SRBD1: variants seen among roughly 807,000 people sequenced by gnomAD.
SRBD1 encodes the protein S1 RNA binding domain 1, also known as S1 RNA-binding domain-containing protein 1.
SRBD1 carries 88 observed loss-of-function variants against 115.3 expected under a neutral mutation model. The observed-to-expected ratio is 0.76, with a 90% CI of 0.64 to 0.91. SRBD1 has a LOEUF of 0.91. SRBD1 is among the 40% of genes least tolerant of loss of function. The pLI is 0.00. For synonymous variants in SRBD1, 509 were observed against 407.7 expected, an observed-to-expected ratio of 1.25 and a Z score of -2.99; for missense variants, 1,385 against 1,177.4, an observed-to-expected ratio of 1.18 and a Z score of -2.58.
At position 45,431,636 on chromosome 2, in the gene SRBD1, A is replaced by G. The variant is rs143262452; in HGVS notation, c.2050-11742T>C. Among the ~76,000 whole-genome samples, 1,198 of 152,202 alleles carry G rather than the reference A, an allele frequency of 7.9e-3. 14 individuals are homozygous for G. The highest frequency in any genetic ancestry group is 0.027 in the African/African-American group (1,131 of 41,528). ...ACACTGGGGCCTGTCAGGGGGTGGAAGGCTAGGGGAGGGATAGCATTAGGA... is the reference window on the plus strand; with the variant it reads ...ACACTGGGGCCTGTCAGGGGGTGGAGGGCTAGGGGAGGGATAGCATTAGGA... On this transcript the variant is annotated intron_variant, in intron 16 of 20. Coordinates refer to ENST00000263736, the MANE Select transcript of SRBD1 (RefSeq NM_018079.5).
rs1670936909 is a variant in SRBD1, at chr2:45,510,603, C to G, written c.1875-22272G>C. ...TGCTGTTTCAAAGGCATTCCCCACA[C>G]TAAGTATCACAAACAGCAAGAGAAG... On this transcript the variant is annotated intron_variant, in intron 14 of 20. Transcript: ENST00000263736. Among the ~76,000 whole-genome samples, 2 of 152,188 alleles carry G rather than the reference C, an allele frequency of 1.3e-5. 1 individual carries two copies. Among genetic ancestry groups the G allele is most frequent in the South Asian group, 4.1e-4 (2 of 4,828 alleles).
intron 12 of SRBD1, among the ~76,000 whole-genome samples, chr2:45,550,220 C>G (rs991804690): frequency 6.6e-6 from 1 of 151,728 alleles, no homozygotes; most frequent in Non-Finnish European, 1.5e-5. Flanking sequence ...AGAAAATAAA[C>G]AAAAAGGAGA....
Position 45,393,041 on chromosome 2 carries a change from T to C in SRBD1, c.2602A>G (p.Met868Val), listed in dbSNP as rs369578295. The C allele has an allele frequency of 1.6e-5, 26 of 1,614,010 alleles. No individual in the cohort carries two copies. The Admixed American group carries it at 2.3e-4, about 14-fold the overall frequency. Residue 868 changes from methionine to valine, a missense_variant, in exon 20 of 21, where the codon ATG (methionine) becomes GTG (valine). By Grantham distance (21) the Met-to-Val change is conservative (BLOSUM62 1). Transcript: ENST00000263736. Reference sequence around the variant, plus strand: ...TGCAATCTTTCTGCAATTTTCTCCATTCCTTCCTTTTCAAGGAATGAATTT... The same window carrying C: ...TGCAATCTTTCTGCAATTTTCTCCACTCCTTCCTTTTCAAGGAATGAATTT... ...KINSFLEKEG[M>V]EKIAERLQTT... is the part of the protein sequence containing the mutation.
rs1185097914 is a variant in SRBD1 at position 45,414,718 on chromosome 2, A to G, written c.2334-1425T>C. 8.2e-4 allele frequency among the ~76,000 whole-genome samples: 87 copies of G among 105,914 alleles called. 1 individual carries two copies. Among genetic ancestry groups the G allele is most frequent in the African/African-American group, 2.4e-3 (70 of 29,260 alleles). 69.5% of individuals were successfully genotyped at this position (105,914 alleles called of 152,430 possible). ...CACATAGTGTGTATATAGTATGTAT[A>G]TACACACACACAGTGTGTATATAGT... On this transcript the variant is annotated intron_variant, in intron 18 of 20. Transcript: ENST00000263736.
intron 4 of SRBD1, among the ~76,000 whole-genome samples, chr2:45,586,680 G>A (rs1673533391): frequency 6.6e-6 from 1 of 151,100 alleles, no homozygotes; most frequent in South Asian, 2.1e-4. Flanking sequence ...AAATAGCTGG[G>A]ACTACAAGCC....
chr2:45,571,258 T>G (rs1165385777), intron 9 of SRBD1, among the ~76,000 whole-genome samples: 1 of 152,062 alleles, frequency 6.6e-6, no homozygotes, highest in East Asian at 1.9e-4. Flanking sequence ...TTTAGGGGAT[T>G]TTTTTCTTTT....
At chr2:45,420,310 T>C (rs756043228) in intron 16 of SRBD1, among the ~76,000 whole-genome samples, 1 of 152,138 alleles carries the variant, frequency 6.6e-6, no homozygotes, top group Non-Finnish European at 1.5e-5. Context: ...CAATGAGACA[T>C]AGTCTCTAAC....
At chr2:45,598,858 G>A (rs1041819698) in intron 4 of SRBD1, among the ~76,000 whole-genome samples, 1 of 152,162 alleles carries the variant, frequency 6.6e-6, no homozygotes, top group Non-Finnish European at 1.5e-5. Context: ...AATGGTCCCA[G>A]AATGTGCTGG....
chr2:45,400,401 G>A (rs1156945097), intron 19 of SRBD1, among the ~76,000 whole-genome samples: 1 of 152,052 alleles, frequency 6.6e-6, no homozygotes. Context: ...GCTGAAGCAA[G>A]CACAACTTTA....
intron 6 of SRBD1, among the ~76,000 whole-genome samples, chr2:45,581,359 C>G (rs1488809538): frequency 1.3e-5 from 2 of 152,188 alleles, no homozygotes; most frequent in Admixed American, 6.5e-5. Flanking sequence ...CATGGTTTCA[C>G]GTACCAACTA....
chr2:45,557,204 T>C (rs1172400060), intron 10 of SRBD1, among the ~76,000 whole-genome samples: 2 of 152,126 alleles, frequency 1.3e-5, no homozygotes, highest in Non-Finnish European at 2.9e-5. Flanking sequence ...GGCTGGATCA[T>C]AAAGGGTCTT....
intron 16 of SRBD1, among the ~76,000 whole-genome samples, chr2:45,426,200 G>T (rs1284348993): frequency 6.6e-6 from 1 of 152,158 alleles, no homozygotes; most frequent in African/African-American, 2.4e-5. Flanking sequence ...TTGAGTAGGC[G>T]GTTTTCCCTT....
rs1260097027 is a variant in SRBD1, at chr2:45,428,468, G to A, written c.2050-8574C>T. On this transcript the variant is annotated intron_variant, in intron 16 of 20. Transcript: ENST00000263736. ...CGGGAGGCTGAGGTAGGAGAATGGC[G>A]TGAACCCGGGAGGCGGAGCTTGCAG... 5.9e-5 allele frequency among the ~76,000 whole-genome samples: 9 copies of A among 152,120 alleles called. No individual in the cohort carries two copies. The East Asian group carries it at 9.7e-4, about 16-fold the overall frequency.
intron 14 of SRBD1, among the ~76,000 whole-genome samples, chr2:45,523,960 C>T (rs762307009): frequency 8.6e-5 from 13 of 151,940 alleles, no homozygotes; most frequent in Non-Finnish European, 1.8e-4. Flanking sequence ...ACACCATCAC[C>T]AAGTGGGATT....
Position 45,392,959 on chromosome 2 carries a change from A to C in SRBD1, c.2684T>G (p.Phe895Cys), listed in dbSNP as rs187890180. The C allele has an allele frequency of 7.5e-6, 12 of 1,604,662 alleles. No individual in the cohort carries two copies. In the Admixed American group the frequency reaches 8.5e-5, roughly 11 times the overall value. ...IIDGLSQPES[F>C]DFRTDFDKPD... The stretch of plus-strand genomic sequence containing the variant: ...CAACTGTTTACCTGTTCGAAAGTCA[A>C]AGCTTTCAGGCTGGCTGAGACCATC... Residue 895 changes from phenylalanine (F) to cysteine (C), a missense_variant, in exon 20 of 21, where the codon TTT (phenylalanine) becomes TGT (cysteine). By Grantham distance (205) the Phe-to-Cys change is radical. Transcript: ENST00000263736.
chr2:45,413,344 G>C, intron 18 of SRBD1, 51 bp from the exon 19 acceptor site: 1 of 1,561,606 alleles, frequency 6.4e-7, no homozygotes. Context: ...AGGTTGGGCA[G>C]AAAAGTCTTC....
At chr2:45,565,880 C>T (rs139144743) in intron 9 of SRBD1, among the ~76,000 whole-genome samples, 45 of 152,374 alleles carry the variant, frequency 3.0e-4, no homozygotes, top group Non-Finnish European at 4.6e-4. Flanking sequence ...CCTGCCTCAA[C>T]CTCCCAAAGT....
Position 45,389,405 on chromosome 2 carries a change from G to A in SRBD1, c.2893C>T (p.Leu965Phe), listed in dbSNP as rs1280821250. ...KLSKTKKRRSLGLGPGERVEV... is the reference protein window; with the variant it reads ...KLSKTKKRRSFGLGPGERVEV... ...ACTCTTTCTCCGGGGCCCAGTCCAAGGCTTCTTCTCTTCTTTGTTTTTGAA... is the reference window on the plus strand; with the variant it reads ...ACTCTTTCTCCGGGGCCCAGTCCAAAGCTTCTTCTCTTCTTTGTTTTTGAA... Residue 965 changes from leucine to phenylalanine, a missense_variant, in exon 21 of 21, where the codon CTT becomes TTT. Coordinates refer to ENST00000263736, the MANE Select transcript of SRBD1 (RefSeq NM_018079.5). The A allele has an allele frequency of 6.2e-7, 1 of 1,613,932 alleles. No individual in the cohort carries two copies. The highest frequency in any genetic ancestry group is 8.5e-7 in the Non-Finnish European group (1 of 1,179,966).
chr2:45,512,467 T>C (rs1314666033), intron 14 of SRBD1, among the ~76,000 whole-genome samples: 2 of 152,190 alleles, frequency 1.3e-5, no homozygotes, highest in East Asian at 3.8e-4. Context: ...ATTGTACTTA[T>C]CTGTTGAAGA....
Sources: gnomAD v4.1 joint callset for allele counts (sites outside exome capture counted in the v4.1 genomes callset) on GRCh38, gnomAD v4.1.1 for gene constraint, MANE v1.5 for transcripts, NCBI Gene and HGNC (gene_info 2026-07-23, HGNC 2026-07-21) for gene names.